The following FRYL variants were observed in gnomAD, a reference collection of about 807,000 sequenced individuals.
The protein encoded by FRYL is FRY like transcription coactivator.
A neutral mutation model predicts 351.2 loss-of-function variants in FRYL; 150 were observed. The ratio of observed to expected loss-of-function variants is 0.43; its 90% CI spans 0.37 to 0.49. The LOEUF is 0.49. Among genes scored for constraint, FRYL ranks in the 20% least tolerant of loss-of-function variants. The pLI is 0.00. For synonymous variants in FRYL, 1,153 were observed against 1,257.1 expected (o/e 0.92, Z 1.75); for missense variants, 3,036 against 3,619.3 (o/e 0.84, Z 4.13).
intron 1 of FRYL, among the ~76,000 whole-genome samples, chr4:48,769,111 G>A (rs1476347478): frequency 1.3e-5 from 2 of 152,152 alleles, no homozygotes; most frequent in African/African-American, 4.8e-5. Flanking sequence ...TCCAGCCTGA[G>A]TAACAGAATG....
intron 2 of FRYL, among the ~76,000 whole-genome samples, chr4:48,709,224 G>A (rs1767746151): frequency 6.6e-6 from 1 of 152,086 alleles, no homozygotes; most frequent in African/African-American, 2.4e-5. Context: ...CCAGCCCTAG[G>A]TATCTGTGTT....
intron 1 of FRYL, among the ~76,000 whole-genome samples, chr4:48,759,548 T>A (rs1245355565): frequency 6.6e-6 from 1 of 152,142 alleles, no homozygotes; most frequent in East Asian, 1.9e-4. Context: ...CAGCTAAGAA[T>A]CCGTTTTCTT....
At chr4:48,768,777 C>T (rs1454075390) in intron 1 of FRYL, among the ~76,000 whole-genome samples, 6 of 148,738 alleles carry the variant, frequency 4.0e-5, no homozygotes, top group South Asian at 2.1e-4. Flanking sequence ...GGTGACACAG[C>T]GAGTCTCTGT....
intron 15 of FRYL, 112 bp from the exon 16 acceptor site, chr4:48,594,128 C>A: frequency 1.9e-6 from 1 of 530,790 alleles, no homozygotes; most frequent in South Asian, 3.4e-5. Context: ...TTAAAAAGTT[C>A]ACAGCTGAAC....
At chr4:48,651,213 CGTGTGTGTGTGT>C (rs10604700) in intron 3 of FRYL, among the ~76,000 whole-genome samples, 1,742 of 104,874 alleles carry the variant, frequency 0.017, 36 homozygotes, top group East Asian at 0.025. Flanking sequence ...CCACATGCAC[CGTGTGTGTGTGT>C]GTGTGTGTGT....
At chr4:48,593,735 T>C (rs888380072) in intron 16 of FRYL, among the ~76,000 whole-genome samples, 195 bp downstream of exon 16, 13 of 152,094 alleles carry the variant, frequency 8.5e-5, no homozygotes, top group Admixed American at 8.5e-4. Context: ...CAAAACTCTG[T>C]CTCAAACAAA....
rs983253059 is a variant in FRYL at position 48,636,241 on chromosome 4, T to C, written c.-80-1751A>G. Reference sequence around the variant, plus strand: ...ATCAAAGAGGGAATCTGTTAACAAATGTCATTGTGGAAGAAAGAAGAGCTC... The same window carrying C: ...ATCAAAGAGGGAATCTGTTAACAAACGTCATTGTGGAAGAAAGAAGAGCTC... On this transcript the variant is annotated intron_variant, in intron 3 of 63. Coordinates refer to ENST00000358350, the MANE Select transcript of FRYL (RefSeq NM_015030.2). Among the ~76,000 whole-genome samples, 7 of 152,232 alleles carry C rather than the reference T, an allele frequency of 4.6e-5. 1 individual carries two copies. The highest frequency in any genetic ancestry group is 6.8e-3 in the Middle Eastern group (2 of 292).
intron 1 of FRYL, among the ~76,000 whole-genome samples, chr4:48,778,701 T>G (rs1188975641): frequency 6.6e-6 from 1 of 152,242 alleles, no homozygotes; most frequent in East Asian, 1.9e-4. Context: ...CTAGTTTTTA[T>G]CAATAGTAAA....
rs1430029746 is a variant in FRYL at position 48,580,709 on chromosome 4, G to C, written c.2259+156C>G. 10 of 498,300 alleles carry C rather than the reference G, an allele frequency of 2.0e-5. No individual in the cohort carries two copies. In the East Asian group the frequency reaches 3.1e-4, roughly 16 times the overall value. The allele number at this position is 498,300 out of a possible 1,614,324, so 30.9% of individuals were successfully genotyped here. A position where few individuals can be genotyped will look rare whatever the true frequency, so the allele number is the denominator to read the frequency against. ...AGTATAAATGAATGTCACTTTTTAAGTACTACTCTTAAGCATTTTCTACTT... is the reference window on the plus strand; with the variant it reads ...AGTATAAATGAATGTCACTTTTTAACTACTACTCTTAAGCATTTTCTACTT... On this transcript the variant is annotated intron_variant, in intron 22 of 63. Coordinates refer to ENST00000358350, the MANE Select transcript of FRYL (RefSeq NM_015030.2).
intron 25 of FRYL, among the ~76,000 whole-genome samples, chr4:48,573,799 C>T (rs1377247885): frequency 2.0e-5 from 3 of 152,198 alleles, no homozygotes; most frequent in Non-Finnish European, 4.4e-5. Flanking sequence ...GATTTGCCCG[C>T]CTCAGCCTCC....
intron 1 of FRYL, among the ~76,000 whole-genome samples, chr4:48,723,167 G>A (rs1769682268): frequency 6.6e-6 from 1 of 151,716 alleles, no homozygotes; most frequent in Admixed American, 6.6e-5. Flanking sequence ...TTTTGAGACA[G>A]GATCTTGCTT....
intron 3 of FRYL, chr4:48,681,040 A>C (rs1480098476): frequency 7.8e-7 from 1 of 1,286,552 alleles, no homozygotes; most frequent in Non-Finnish European, 1.0e-6. Context: ...CATCTTAACT[A>C]ATCTTGGGGA....
At chr4:48,574,998 C>G in intron 25 of FRYL, 119 bp downstream of exon 25, 1 of 749,076 alleles carries the variant, frequency 1.3e-6, no homozygotes, top group South Asian at 2.4e-5. Context: ...GAAAGTCAGG[C>G]CTGGTATGCG....
rs1207517363 is a variant in FRYL, at chr4:48,690,046, G to A, written c.-203-5251C>T. Among the ~76,000 whole-genome samples the A allele has an allele frequency of 4.2e-5, 6 of 142,832 alleles. No individual in the cohort carries two copies. The East Asian group carries it at 1.0e-3, about 25-fold the overall frequency. 93.7% of individuals were successfully genotyped at this position (142,832 alleles called of 152,430 possible). Reference sequence around the variant, plus strand: ...CGACTAGCTGGGACTACAGGTGCCCGCCACCGTGCCCAGCTAATTTTTTTT... The same window carrying A: ...CGACTAGCTGGGACTACAGGTGCCCACCACCGTGCCCAGCTAATTTTTTTT... On this transcript the variant is annotated intron_variant, in intron 2 of 63. Transcript: ENST00000358350.
At chr4:48,514,439 T>C (rs1160788715) in intron 56 of FRYL, among the ~76,000 whole-genome samples, 1 of 152,190 alleles carries the variant, frequency 6.6e-6, no homozygotes, top group African/African-American at 2.4e-5. Context: ...CATATGATTA[T>C]TATGATTATT....
At chr4:48,702,692 C>T (rs1257499539) in intron 2 of FRYL, among the ~76,000 whole-genome samples, 16 of 139,550 alleles carry the variant, frequency 1.1e-4, no homozygotes, top group East Asian at 4.2e-4. Flanking sequence ...ATCCGGGAGG[C>T]GGAGCTTACA....
intron 30 of FRYL, 109 bp downstream of exon 30, chr4:48,564,824 C>T: frequency 6.7e-6 from 4 of 596,930 alleles, no homozygotes; most frequent in African/African-American, 1.9e-5. Context: ...GCATATGATC[C>T]TAACCTATCT....
At position 48,671,858 on chromosome 4, in the gene FRYL, C is replaced by CAAAAAAAAAAAAAAAAAA. The variant is rs1226492542; in HGVS notation, c.-81+12814_-81+12815insTTTTTTTTTTTTTTTTTT. 4.5e-4 allele frequency among the ~76,000 whole-genome samples: 10 copies of CAAAAAAAAAAAAAAAAAA among 22,398 alleles called. 1 individual carries two copies. Among genetic ancestry groups the CAAAAAAAAAAAAAAAAAA allele is most frequent in the Non-Finnish European group, 7.1e-4 (8 of 11,214 alleles). The allele number at this position is 22,398 out of a possible 152,430, so 14.7% of individuals were successfully genotyped here. A position where few individuals can be genotyped will look rare whatever the true frequency, so the allele number is the denominator to read the frequency against. ...AGAGAGAGAGACTCCGTCTCAAAAA[C>CAAAAAAAAAAAAAAAAAA]AAAAAAAAAAAAAACAAAAAAAAAA... On this transcript the variant is annotated intron_variant, in intron 3 of 63. Coordinates refer to ENST00000358350, the MANE Select transcript of FRYL (RefSeq NM_015030.2).
intron 2 of FRYL, among the ~76,000 whole-genome samples, chr4:48,701,128 G>C (rs1287014133): frequency 6.6e-6 from 1 of 152,028 alleles, no homozygotes; most frequent in African/African-American, 2.4e-5. Flanking sequence ...TTTTAAATGG[G>C]TTTAAAAGGT....
Sources: gnomAD v4.1 joint callset for allele counts (sites outside exome capture counted in the v4.1 genomes callset) on GRCh38, gnomAD v4.1.1 for gene constraint, MANE v1.5 for transcripts, NCBI Gene and HGNC (gene_info 2026-07-23, HGNC 2026-07-21) for gene names.